Variants in MARCHF8 observed in about 807,000 individuals in gnomAD.
MARCHF8 encodes the protein E3 ubiquitin-protein ligase MARCHF8.
Under a neutral mutation model 51.6 loss-of-function variants are expected in MARCHF8, and 40 were observed. The ratio of observed to expected loss-of-function variants is 0.77; its 90% CI spans 0.60 to 1.01. The LOEUF is 1.01. Among genes scored for constraint, MARCHF8 ranks in the 50% least tolerant of loss-of-function variants. The pLI, the probability that MARCHF8 is intolerant of heterozygous loss-of-function variation, is 0.00. For missense variants in MARCHF8, 685 were observed against 708.6 expected, an observed-to-expected ratio of 0.97 and a Z score of 0.38; for synonymous variants, 263 against 280.3, an observed-to-expected ratio of 0.94 and a Z score of 0.62.
intron 2 of MARCHF8, among the ~76,000 whole-genome samples, chr10:45,527,392 G>C (rs1376239751): frequency 6.6e-6 from 1 of 151,894 alleles, no homozygotes; most frequent in Non-Finnish European, 1.5e-5. Context: ...CAAGAAGAAA[G>C]AAAATTCAAA....
chr10:45,575,968 A>G (rs2044485189), intron 1 of MARCHF8, among the ~76,000 whole-genome samples: 1 of 151,790 alleles, frequency 6.6e-6, no homozygotes, highest in Middle Eastern at 3.4e-3. Flanking sequence ...AAATGGCCCC[A>G]CCCCTTTCTC....
intron 2 of MARCHF8, among the ~76,000 whole-genome samples, chr10:45,501,637 C>A (rs922773729): frequency 3.9e-5 from 6 of 152,148 alleles, no homozygotes; most frequent in African/African-American, 1.4e-4. Flanking sequence ...AGAAACTGAT[C>A]AATTAAACTT....
At chr10:45,516,641 G>A (rs1049669787) in intron 2 of MARCHF8, among the ~76,000 whole-genome samples, 1 of 152,190 alleles carries the variant, frequency 6.6e-6, no homozygotes, top group Non-Finnish European at 1.5e-5. Flanking sequence ...GCACGTGCCT[G>A]TAATCCCAGC....
intron 2 of MARCHF8, among the ~76,000 whole-genome samples, chr10:45,514,169 T>C (rs942575652): frequency 1.3e-5 from 2 of 152,240 alleles, no homozygotes; most frequent in African/African-American, 2.4e-5. Context: ...AAGTACATCA[T>C]TGAAAATGAA....
chr10:45,488,142 A>G (rs2043017480), intron 3 of MARCHF8, among the ~76,000 whole-genome samples: 1 of 152,020 alleles, frequency 6.6e-6, no homozygotes, highest in Non-Finnish European at 1.5e-5. Context: ...AGACCACACC[A>G]CAGGTGAGGA....
intron 1 of MARCHF8, among the ~76,000 whole-genome samples, chr10:45,564,518 A>G (rs1464798882): frequency 6.6e-6 from 1 of 152,196 alleles, no homozygotes; most frequent in Non-Finnish European, 1.5e-5. Flanking sequence ...CATGTACATA[A>G]TCAGAAATGC....
At chr10:45,575,289 C>T (rs917245199) in intron 1 of MARCHF8, among the ~76,000 whole-genome samples, 1 of 152,188 alleles carries the variant, frequency 6.6e-6, no homozygotes, top group Admixed American at 6.5e-5. Context: ...CTCCCACCTA[C>T]TCCCCCACTG....
intron 1 of MARCHF8, among the ~76,000 whole-genome samples, chr10:45,565,726 T>C (rs1215332106): frequency 6.6e-6 from 1 of 152,130 alleles, no homozygotes. Flanking sequence ...TCCTTATTCA[T>C]AGTAGTTATG....
chr10:45,472,745 AAC>A (rs2042715664), intron 3 of MARCHF8, among the ~76,000 whole-genome samples: 1 of 152,198 alleles, frequency 6.6e-6, no homozygotes, highest in African/African-American at 2.4e-5. Context: ...ACTAAACTGT[AAC>A]AGTCAGATGA....
rs1842642430 is a variant in MARCHF8, at chr10:45,457,596, C to A, written c.*643G>T. The A allele has an allele frequency of 6.6e-6, 1 of 152,552 alleles. No homozygotes were observed. The highest frequency in any genetic ancestry group is 1.5e-5 in the Non-Finnish European group (1 of 68,026). 9.4% of individuals were successfully genotyped at this position (152,552 alleles called of 1,614,324 possible). On this transcript the variant is annotated 3_prime_UTR_variant, in exon 8 of 8. Coordinates refer to ENST00000453424, the MANE Select transcript of MARCHF8 (RefSeq NM_001282866.2). ...AGGAAGGGAAGATTTCTAAGTGAGA[C>A]TTTTTTTGAGTGTCAATCCCGCTGG...
intron 3 of MARCHF8, among the ~76,000 whole-genome samples, chr10:45,485,525 C>A (rs1486833768): frequency 6.6e-6 from 1 of 152,184 alleles, no homozygotes; most frequent in Non-Finnish European, 1.5e-5. Context: ...TGAAGAGAGG[C>A]AAGCCACCAC....
intron 2 of MARCHF8, 143 bp downstream of exon 2, chr10:45,532,967 T>A (rs1378300235): frequency 3.8e-6 from 2 of 528,966 alleles, no homozygotes; most frequent in Non-Finnish European, 5.9e-6. Flanking sequence ...AAAAAGACAA[T>A]TCCTTCTGAG....
chr10:45,550,775 C>T (rs2044186132), intron 1 of MARCHF8, among the ~76,000 whole-genome samples: 1 of 152,210 alleles, frequency 6.6e-6, no homozygotes, highest in Admixed American at 6.5e-5. Flanking sequence ...GGCCTTCAGA[C>T]CACACCTCAA....
chr10:45,517,088 T>C (rs2043632046), intron 2 of MARCHF8, among the ~76,000 whole-genome samples: 2 of 152,172 alleles, frequency 1.3e-5, no homozygotes, highest in Admixed American at 1.3e-4. Context: ...CAGTGGTGAG[T>C]AGCACAACAA....
rs569892529 is a variant in MARCHF8 at position 45,502,961 on chromosome 10, G to A, written c.103-13544C>T. Among the ~76,000 whole-genome samples, 37 of 152,216 alleles carry A rather than the reference G, an allele frequency of 2.4e-4. No homozygotes were observed. In the South Asian group the frequency reaches 7.3e-3, roughly 30 times the overall value. On this transcript the variant is annotated intron_variant, in intron 2 of 7. Transcript: ENST00000453424. ...ATAATAATAATAATACATTCTATGA[G>A]GGGCTCTGAAGGTATGCAATGTAGA...
chr10:45,575,803 A>C (rs1464138651), intron 1 of MARCHF8, among the ~76,000 whole-genome samples: 1 of 152,180 alleles, frequency 6.6e-6, no homozygotes. Context: ...AAGAAGTGAA[A>C]ATAGCCTGTT....
At chr10:45,513,159 T>G (rs1200710071) in intron 2 of MARCHF8, among the ~76,000 whole-genome samples, 1 of 151,284 alleles carries the variant, frequency 6.6e-6, no homozygotes, top group African/African-American at 2.4e-5. Context: ...TGACCTTCCC[T>G]CCACTATTGT....
intron 1 of MARCHF8, among the ~76,000 whole-genome samples, chr10:45,552,322 A>C (rs987079523): frequency 3.3e-5 from 5 of 152,114 alleles, no homozygotes; most frequent in African/African-American, 4.8e-5. Context: ...AAAAAAAAAA[A>C]AACACTATAA....
chr10:45,469,544 A>G (rs1488187184), intron 3 of MARCHF8, among the ~76,000 whole-genome samples: 1 of 152,190 alleles, frequency 6.6e-6, no homozygotes. Flanking sequence ...TCAGATGTGT[A>G]TGCAAAAGTG....
Sources: gnomAD v4.1 joint callset for allele counts (sites outside exome capture counted in the v4.1 genomes callset) on GRCh38, gnomAD v4.1.1 for gene constraint, MANE v1.5 for transcripts, NCBI Gene and HGNC (gene_info 2026-07-23, HGNC 2026-07-21) for gene names.